The following PIEZO2 variants were observed in gnomAD, a reference collection of about 807,000 sequenced individuals.
PIEZO2 encodes the protein piezo type mechanosensitive ion channel component 2, also known as piezo-type mechanosensitive ion channel component 2.
PIEZO2 carries 172 observed loss-of-function variants against 337.3 expected under a neutral mutation model. The ratio of observed to expected loss-of-function variants is 0.51; its 90% confidence interval spans 0.45 to 0.58. The LOEUF (loss-of-function observed/expected upper bound fraction) is 0.58, where lower values mean the gene tolerates loss of function less well. Ranked by LOEUF, PIEZO2 falls within the 20% of genes least tolerant of loss-of-function variation. The probability of loss-of-function intolerance (pLI) is 0.00; values close to 1 mark genes in which losing one functional copy is unlikely to be tolerated. For missense variants in PIEZO2, 3,028 were observed against 3,391.3 expected, an observed-to-expected ratio of 0.89 and a Z score of 2.66; for synonymous variants, 1,251 against 1,228.5, an observed-to-expected ratio of 1.02 and a Z score of -0.38.
At chr18:10,725,814 C>T (rs1336584604) in intron 36 of PIEZO2, among the ~76,000 whole-genome samples, 2 of 152,198 alleles carry the variant, frequency 1.3e-5, no homozygotes, top group Non-Finnish European at 1.5e-5. Context: ...CGCGGGCCCT[C>T]CAGGGTGGAT....
chr18:10,841,906 G>A (rs1364236826), intron 7 of PIEZO2, among the ~76,000 whole-genome samples: 1 of 152,190 alleles, frequency 6.6e-6, no homozygotes. Context: ...GCTCACACCT[G>A]TAAGCTGAGC....
At chr18:10,681,868 C>A (rs925426307) in intron 50 of PIEZO2, 115 bp from the exon 51 acceptor site, 14 of 958,900 alleles carry the variant, frequency 1.5e-5, no homozygotes, top group African/African-American at 9.9e-5. Flanking sequence ...TATGTTTATC[C>A]CATGATACAT....
At chr18:10,900,141 T>G (rs559092161) in intron 4 of PIEZO2, among the ~76,000 whole-genome samples, 27 of 151,860 alleles carry the variant, frequency 1.8e-4, no homozygotes, top group African/African-American at 5.6e-4. Flanking sequence ...TAGGTAAAGC[T>G]CTCAACAGCC....
At chr18:11,117,111 C>CA (rs1457620732) in intron 1 of PIEZO2, among the ~76,000 whole-genome samples, 3 of 151,772 alleles carry the variant, frequency 2.0e-5, no homozygotes, top group African/African-American at 4.9e-5. Flanking sequence ...GTCCCCCCCA[C>CA]AAAAAAATTG....
intron 15 of PIEZO2, 97 bp from the exon 16 acceptor site, chr18:10,787,281 A>G (rs1311305085): frequency 3.5e-6 from 4 of 1,133,438 alleles, no homozygotes; most frequent in East Asian, 5.2e-5. Flanking sequence ...CAAGTGATAC[A>G]TTTACAAGTG....
intron 3 of PIEZO2, among the ~76,000 whole-genome samples, chr18:10,935,190 T>C (rs919214499): frequency 6.6e-6 from 1 of 152,220 alleles, no homozygotes; most frequent in Non-Finnish European, 1.5e-5. Context: ...ATTCCTGGTT[T>C]TCTTCTTGGG....
Position 11,106,917 on chromosome 18 carries a change from C to A in PIEZO2, c.65-40695G>T, listed in dbSNP as rs74983809. Reference sequence around the variant, plus strand: ...GTTCCCCACTGGAGTTGAGGCAGTTCGGCTGAGAAACAAATAAGCTCAGGG... The same window carrying A: ...GTTCCCCACTGGAGTTGAGGCAGTTAGGCTGAGAAACAAATAAGCTCAGGG... On this transcript the variant is annotated intron_variant, in intron 1 of 55. Transcript: ENST00000674853. Among the ~76,000 whole-genome samples the A allele has an allele frequency of 8.0e-3, 1,223 of 152,230 alleles. 17 individuals are homozygous for A. The highest frequency in any genetic ancestry group is 0.028 in the African/African-American group (1,147 of 41,540).
intron 2 of PIEZO2, among the ~76,000 whole-genome samples, chr18:11,042,125 G>A (rs1375779824): frequency 6.6e-6 from 1 of 152,174 alleles, no homozygotes; most frequent in Non-Finnish European, 1.5e-5. Flanking sequence ...TCTCCTCTAA[G>A]GATGATCAAA....
intron 3 of PIEZO2, among the ~76,000 whole-genome samples, chr18:10,964,989 T>C (rs1391029832): frequency 1.3e-5 from 2 of 152,240 alleles, no homozygotes; most frequent in African/African-American, 2.4e-5. Flanking sequence ...TATAACTTCA[T>C]TCATCCTTTA....
rs560525011 is a variant in PIEZO2 at position 10,892,036 on chromosome 18, G to C, written c.329+19150C>G. On this transcript the variant is annotated intron_variant, in intron 4 of 55. Coordinates refer to ENST00000674853, the MANE Select transcript of PIEZO2 (RefSeq NM_001378183.1). ...TTGATAGGCAGTCAGACTGAAGATA[G>C]AACAGCCAATTAAGAGACTCCTAGA... Among the ~76,000 whole-genome samples the C allele has an allele frequency of 2.0e-4, 30 of 152,192 alleles. 1 individual carries two copies. Among genetic ancestry groups the C allele is most frequent in the Admixed American group, 1.8e-3 (27 of 15,290 alleles).
Position 10,773,305 on chromosome 18 carries a change from G to T in PIEZO2, c.2785+107C>A. On this transcript the variant is annotated intron_variant, in intron 20 of 55. Transcript: ENST00000674853. The surrounding 1 kb of genome is among the most constrained non-coding windows in gnomAD (Gnocchi z 5.3). ...AAACAAAAACCACTCCAATTTTTAT[G>T]TCATGGACTGGGTCAAATATATATT... is the stretch of plus-strand genomic sequence containing the variant. The T allele has an allele frequency of 1.7e-6, 2 of 1,150,396 alleles. No individual in the cohort carries two copies. The highest frequency in any genetic ancestry group is 2.5e-6 in the Non-Finnish European group (2 of 811,560). 71.3% of individuals were successfully genotyped at this position (1,150,396 alleles called of 1,614,324 possible).
intron 2 of PIEZO2, among the ~76,000 whole-genome samples, chr18:11,025,390 T>A (rs2036501863): frequency 6.6e-6 from 1 of 152,200 alleles, no homozygotes; most frequent in South Asian, 2.1e-4. Flanking sequence ...AGTGTTTCCG[T>A]GAATTGCCTA....
At chr18:11,098,640 C>T (rs1039132688) in intron 1 of PIEZO2, among the ~76,000 whole-genome samples, 2 of 150,892 alleles carry the variant, frequency 1.3e-5, no homozygotes, top group African/African-American at 2.4e-5. Context: ...GAGGGCTCCC[C>T]GCCATGAAGG....
At chr18:10,852,847 C>G (rs550065620) in intron 7 of PIEZO2, among the ~76,000 whole-genome samples, 259 of 152,190 alleles carry the variant, frequency 1.7e-3, no homozygotes, top group Non-Finnish European at 2.1e-3. Context: ...AGAGGGCACC[C>G]CCCACCCACC....
At chr18:10,990,281 G>A (rs1346079464) in intron 2 of PIEZO2, among the ~76,000 whole-genome samples, 1 of 152,112 alleles carries the variant, frequency 6.6e-6, no homozygotes, top group East Asian at 1.9e-4. Flanking sequence ...ATGTGTGTGA[G>A]ACACATTTGA....
intron 14 of PIEZO2, among the ~76,000 whole-genome samples, chr18:10,790,906 G>C (rs966262198): frequency 1.3e-5 from 2 of 152,008 alleles, no homozygotes; most frequent in Non-Finnish European, 2.9e-5. Context: ...GGTTTTCACC[G>C]TGTTAGCCAG....
chr18:11,078,995 T>C lies in PIEZO2; in HGVS notation c.65-12773A>G, dbSNP rs1327802301. Reference sequence around the variant, plus strand: ...TCATACCTTAGAAAGTTACGGTAGTTAAAAAATTGCTGGTGGCATCCTTTA... The same window carrying C: ...TCATACCTTAGAAAGTTACGGTAGTCAAAAAATTGCTGGTGGCATCCTTTA... On this transcript the variant is annotated intron_variant, in intron 1 of 55. Transcript: ENST00000674853. The surrounding 1 kb of genome is among the most constrained non-coding windows in gnomAD (Gnocchi z 5.3). 6.6e-6 allele frequency among the ~76,000 whole-genome samples: 1 copy of C among 152,194 alleles called. No homozygotes were observed. The highest frequency in any genetic ancestry group is 1.5e-5 in the Non-Finnish European group (1 of 68,026).
chr18:11,063,183 C>A (rs9797346), intron 2 of PIEZO2, among the ~76,000 whole-genome samples: 98,100 of 150,492 alleles, frequency 0.65, 32,547 homozygotes, highest in East Asian at 0.97. Context: ...TCACAAGGAC[C>A]AAAAAACAAA....
chr18:11,055,607 C>G lies in PIEZO2; in HGVS notation c.160+10520G>C, dbSNP rs540678527. 9.0e-5 allele frequency among the ~76,000 whole-genome samples: 12 copies of G among 133,316 alleles called. No homozygotes were observed. In the South Asian group the frequency reaches 1.9e-3, roughly 21 times the overall value. 87.5% of individuals were successfully genotyped at this position (133,316 alleles called of 152,430 possible). On this transcript the variant is annotated intron_variant, in intron 2 of 55. Coordinates refer to ENST00000674853, the MANE Select transcript of PIEZO2 (RefSeq NM_001378183.1). Reference sequence around the variant, plus strand: ...CTAGGGTGAATTCTACAACTAATAACAGTGACTCAGTGACTATTTGTGTAG... The same window carrying G: ...CTAGGGTGAATTCTACAACTAATAAGAGTGACTCAGTGACTATTTGTGTAG...
Sources: gnomAD v4.1 joint callset for allele counts (sites outside exome capture counted in the v4.1 genomes callset) on GRCh38, gnomAD v4.1.1 for gene constraint, Gnocchi (gnomAD v3.1) non-coding constraint, MANE v1.5 for transcripts, NCBI Gene and HGNC (gene_info 2026-07-23, HGNC 2026-07-21) for gene names.